The following EPHB1 variants were observed in gnomAD, a reference collection of about 807,000 sequenced individuals.
The protein encoded by EPHB1 is ephrin type-B receptor 1.
In EPHB1, 30 loss-of-function variants were observed where a neutral mutation model predicts 94.4. That is an observed-to-expected ratio of 0.32 (90% CI 0.24 to 0.43). The LOEUF (loss-of-function observed/expected upper bound fraction) is 0.43, where lower values mean the gene tolerates loss of function less well. Ranked by LOEUF, EPHB1 falls within the 20% of genes least tolerant of loss-of-function variation. The probability of loss-of-function intolerance (pLI) is 1.00; values close to 1 mark genes in which losing one functional copy is unlikely to be tolerated. For synonymous variants in EPHB1, 522 were observed against 489.1 expected (o/e 1.07, Z -0.89); for missense variants, 1,055 against 1,308.3 (o/e 0.81, Z 2.99).
chr3:135,231,229 C>T (rs564912861), intron 12 of EPHB1, among the ~76,000 whole-genome samples: 1 of 152,296 alleles, frequency 6.6e-6, no homozygotes, highest in East Asian at 1.9e-4. Flanking sequence ...TAATTGTAAA[C>T]TCAAGAAGCA....
At chr3:134,957,820 G>A (rs1000790740) in intron 3 of EPHB1, among the ~76,000 whole-genome samples, 1 of 152,226 alleles carries the variant, frequency 6.6e-6, no homozygotes, top group African/African-American at 2.4e-5. Context: ...GGCTGGGAAT[G>A]AGGATGCATG....
At chr3:135,011,110 A>C (rs1935604737) in intron 3 of EPHB1, among the ~76,000 whole-genome samples, 1 of 152,176 alleles carries the variant, frequency 6.6e-6, no homozygotes, top group South Asian at 2.1e-4. Context: ...ATGGGGTTGC[A>C]GGGGCAACCT....
At chr3:134,908,872 G>A (rs2107693290) in intron 1 of EPHB1, among the ~76,000 whole-genome samples, 1 of 152,174 alleles carries the variant, frequency 6.6e-6, no homozygotes, top group East Asian at 1.9e-4. Context: ...ATTTCTCCTG[G>A]AGAGACTGTA....
At chr3:135,131,512 A>AG (rs1208889281) in intron 4 of EPHB1, among the ~76,000 whole-genome samples, 1 of 152,156 alleles carries the variant, frequency 6.6e-6, no homozygotes, top group East Asian at 1.9e-4. Flanking sequence ...GCCATTCGAA[A>AG]GGGGGGCTTC....
chr3:135,236,406 C>T lies in EPHB1; in HGVS notation c.2347-4742C>T, dbSNP rs191031397. 2.6e-3 allele frequency among the ~76,000 whole-genome samples: 399 copies of T among 152,072 alleles called. 3 individuals carry two copies. The highest frequency in any genetic ancestry group is 3.5e-3 in the Non-Finnish European group (235 of 68,016). On this transcript the variant is annotated intron_variant, in intron 12 of 15. Coordinates refer to ENST00000398015, the MANE Select transcript of EPHB1 (RefSeq NM_004441.5). ...TTTAACTTGATTATATTTGCAAAGG[C>T]CCTGTTTCCAAAGAAGATCACATTC...
chr3:135,175,218 C>T lies in EPHB1; in HGVS notation c.1760-4642C>T, dbSNP rs571093143. On this transcript the variant is annotated intron_variant, in intron 9 of 15. Transcript: ENST00000398015. ...TCAGATACACTCTACATGTCTACAA[C>T]ATCCCCAGAGACATGTCCCAGCCTT... Among the ~76,000 whole-genome samples the T allele has an allele frequency of 7.4e-4, 112 of 152,324 alleles. No individual in the cohort carries two copies. In the South Asian group the frequency reaches 0.022, roughly 30 times the overall value.
intron 3 of EPHB1, among the ~76,000 whole-genome samples, chr3:134,990,032 T>G (rs116431011): frequency 0.022 from 3,291 of 152,334 alleles, 62 homozygotes; most frequent in Non-Finnish European, 0.032. Flanking sequence ...ATTTATGTAT[T>G]TAAAAGAATG....
At chr3:135,000,847 A>G (rs745763414) in intron 3 of EPHB1, among the ~76,000 whole-genome samples, 6 of 152,174 alleles carry the variant, frequency 3.9e-5, no homozygotes, top group Non-Finnish European at 5.9e-5. Flanking sequence ...TTGTGGTCCT[A>G]TGGTGAAGCT....
chr3:134,959,307 C>G (rs892991853), intron 3 of EPHB1, among the ~76,000 whole-genome samples: 1 of 152,014 alleles, frequency 6.6e-6, no homozygotes, highest in African/African-American at 2.4e-5. Flanking sequence ...GAGGGGTCCG[C>G]CAGGAGCATT....
chr3:134,855,588 C>A (rs1271006313), intron 1 of EPHB1, among the ~76,000 whole-genome samples: 1 of 152,166 alleles, frequency 6.6e-6, no homozygotes, highest in African/African-American at 2.4e-5. Flanking sequence ...CAAGATGGCT[C>A]CTGGTGCAGA....
At chr3:135,248,204 A>G in intron 13 of EPHB1, 112 bp from the exon 14 acceptor site, 1 of 1,029,166 alleles carries the variant, frequency 9.7e-7, no homozygotes, top group Non-Finnish European at 1.4e-6. Flanking sequence ...GCACAGAGCA[A>G]GGGCATCTGA....
intron 11 of EPHB1, among the ~76,000 whole-genome samples, chr3:135,195,288 T>A (rs1173157923): frequency 6.6e-6 from 1 of 151,912 alleles, no homozygotes; most frequent in Non-Finnish European, 1.5e-5. Flanking sequence ...CTGCGGAAAA[T>A]CAAAACCCCA....
intron 1 of EPHB1, among the ~76,000 whole-genome samples, chr3:134,877,339 C>G (rs1175275509): frequency 6.6e-6 from 1 of 152,158 alleles, no homozygotes; most frequent in African/African-American, 2.4e-5. Context: ...GGCGCTGGGC[C>G]CTTCCCTGTT....
chr3:134,952,106 A>G (rs1933055000), intron 3 of EPHB1, 54 bp downstream of exon 3: 1 of 1,524,416 alleles, frequency 6.6e-7, no homozygotes, highest in Non-Finnish European at 8.9e-7. Flanking sequence ...CAGATCTGCA[A>G]GGTTTCCCCA....
At chr3:135,215,233 G>A (rs565316061) in intron 12 of EPHB1, among the ~76,000 whole-genome samples, 6 of 151,578 alleles carry the variant, frequency 4.0e-5, no homozygotes, top group South Asian at 2.1e-4. Flanking sequence ...GTGCAATCTC[G>A]GCTCACCGCA....
intron 2 of EPHB1, among the ~76,000 whole-genome samples, chr3:134,929,059 C>T (rs1009267910): frequency 1.1e-4 from 16 of 152,094 alleles, no homozygotes; most frequent in Admixed American, 9.8e-4. Context: ...AGGAGGTGGG[C>T]AGTAGAGACA....
intron 6 of EPHB1, among the ~76,000 whole-genome samples, chr3:135,156,211 T>C (rs1425399536): frequency 6.6e-6 from 1 of 151,408 alleles, no homozygotes; most frequent in East Asian, 2.0e-4. Flanking sequence ...CAAGCAGAGA[T>C]GTGAGATAGG....
chr3:135,157,093 A>C (rs1941377137), intron 6 of EPHB1, among the ~76,000 whole-genome samples: 1 of 152,236 alleles, frequency 6.6e-6, no homozygotes, highest in African/African-American at 2.4e-5. Flanking sequence ...GCTATGGGTA[A>C]AGAAGTTTTT....
intron 3 of EPHB1, among the ~76,000 whole-genome samples, chr3:135,060,606 G>GT (rs934946496): frequency 1.3e-5 from 2 of 151,754 alleles, no homozygotes; most frequent in South Asian, 2.1e-4. Flanking sequence ...TTATCAGACA[G>GT]TTTTTTTTAT....
Sources: allele counts gnomAD v4.1 joint callset (sites outside exome capture counted in the v4.1 genomes callset), GRCh38; gene constraint gnomAD v4.1.1; transcripts MANE v1.5; gene names NCBI Gene and HGNC (gene_info 2026-07-23, HGNC 2026-07-21).